ITPR2: variants seen among roughly 807,000 people sequenced by gnomAD.
ITPR2 encodes inositol 1,4,5-trisphosphate receptor type 2, also known as inositol 1,4,5-trisphosphate-gated calcium channel ITPR2.
A neutral mutation model predicts 317.1 loss-of-function variants in ITPR2; 207 were observed. The observed-to-expected ratio is 0.65, with a 90% CI of 0.58 to 0.73. The LOEUF is 0.73. Among genes scored for constraint, ITPR2 ranks in the 30% least tolerant of loss-of-function variants. ITPR2 has a pLI of 0.00. For missense variants in ITPR2, 2,613 were observed against 3,284.0 expected, an observed-to-expected ratio of 0.80 and a Z score of 4.99; for synonymous variants, 1,156 against 1,149.1, an observed-to-expected ratio of 1.01 and a Z score of -0.12.
At chr12:26,369,581 C>T (rs940556868) in intron 55 of ITPR2, among the ~76,000 whole-genome samples, 4 of 152,128 alleles carry the variant, frequency 2.6e-5, no homozygotes, top group African/African-American at 9.7e-5. Flanking sequence ...TAAAAAGCAA[C>T]AAATGAATGT....
intron 8 of ITPR2, among the ~76,000 whole-genome samples, chr12:26,714,191 T>C (rs1948697815): frequency 1.3e-5 from 2 of 152,256 alleles, no homozygotes; most frequent in Admixed American, 1.3e-4. Flanking sequence ...TACTTCCTCA[T>C]TTTCTGCATC....
chr12:26,342,514 C>T (rs1033567208), intron 55 of ITPR2, among the ~76,000 whole-genome samples: 4 of 15,726 alleles, frequency 2.5e-4, no homozygotes, highest in East Asian at 1.4e-3. Context: ...GGGGGGGGGG[C>T]GGGGGTCAGA....
chr12:26,373,741 T>C (rs1052295281), intron 55 of ITPR2: 2 of 152,134 alleles, frequency 1.3e-5, no homozygotes, highest in African/African-American at 4.8e-5. Context: ...GACCAGAATA[T>C]TATTTCTAAA....
At position 26,681,882 on chromosome 12, in the gene ITPR2, A is replaced by C; in HGVS notation, c.1401T>G (p.Asn467Lys). Residue 467 changes from asparagine (N) to lysine (K), a missense_variant, in exon 13 of 57, where the codon AAT (asparagine) becomes AAG (lysine). By Grantham distance (94) the Asn-to-Lys change is moderately conservative. Coordinates refer to ENST00000381340, the MANE Select transcript of ITPR2 (RefSeq NM_002223.4). ...KKLENGTITQ[N>K]ERRFVTKLLE... ...CCAATTTAAAGAGTTACCTCCTTTC[A>C]TTCTGAGTTATTGTGCCGTTTTCTA... 2 of 1,598,534 alleles carry C rather than the reference A, an allele frequency of 1.3e-6. No homozygotes were observed. Among genetic ancestry groups the C allele is most frequent in the Non-Finnish European group, 1.7e-6 (2 of 1,169,702 alleles).
At chr12:26,651,441 T>C (rs958014407) in intron 21 of ITPR2, among the ~76,000 whole-genome samples, 1 of 152,268 alleles carries the variant, frequency 6.6e-6, no homozygotes, top group Admixed American at 6.5e-5. Flanking sequence ...CATTTTATTC[T>C]ATTTCTTTCC....
At chr12:26,541,256 G>A (rs994681536) in intron 37 of ITPR2, among the ~76,000 whole-genome samples, 1 of 152,056 alleles carries the variant, frequency 6.6e-6, no homozygotes, top group African/African-American at 2.4e-5. Context: ...GGCAGAGGTT[G>A]CAGTGAGCTG....
chr12:26,443,058 G>T (rs1320403149), intron 46 of ITPR2, among the ~76,000 whole-genome samples: 7 of 152,056 alleles, frequency 4.6e-5, no homozygotes, highest in African/African-American at 1.4e-4. Flanking sequence ...GTGGTGGAGG[G>T]GTCAAGTGCT....
chr12:26,465,222 C>G (rs544575070), intron 45 of ITPR2, among the ~76,000 whole-genome samples: 1 of 152,200 alleles, frequency 6.6e-6, no homozygotes, highest in East Asian at 1.9e-4. Flanking sequence ...TTGCGCTGGG[C>G]AAAAACTAAG....
intron 54 of ITPR2, among the ~76,000 whole-genome samples, chr12:26,398,305 C>T (rs1353703054): frequency 6.6e-6 from 1 of 152,100 alleles, no homozygotes; most frequent in Non-Finnish European, 1.5e-5. Flanking sequence ...TGCCTGCAGT[C>T]CCAGCTACTA....
At chr12:26,612,952 T>C (rs1946303493) in intron 26 of ITPR2, among the ~76,000 whole-genome samples, 2 of 152,248 alleles carry the variant, frequency 1.3e-5, no homozygotes, top group South Asian at 4.1e-4. Context: ...TGAGGCCTTC[T>C]TTCAGTCATC....
intron 21 of ITPR2, among the ~76,000 whole-genome samples, chr12:26,635,177 C>T (rs769234877): frequency 1.3e-5 from 2 of 152,178 alleles, no homozygotes; most frequent in Admixed American, 6.5e-5. Context: ...TACAGCTGTG[C>T]TGACCATAAT....
chr12:26,575,247 G>A (rs1297351288), intron 34 of ITPR2, among the ~76,000 whole-genome samples: 1 of 149,748 alleles, frequency 6.7e-6, no homozygotes, highest in Non-Finnish European at 1.5e-5. Context: ...TGTTGCTGAA[G>A]GTTGGGGATG....
intron 2 of ITPR2, among the ~76,000 whole-genome samples, chr12:26,759,141 C>T (rs956819538): frequency 2.6e-5 from 4 of 152,148 alleles, no homozygotes; most frequent in African/African-American, 4.8e-5. Context: ...AAATTCTCAC[C>T]GTTTCAAAAA....
chr12:26,486,277 C>A lies in ITPR2; in HGVS notation c.5638G>T (p.Val1880Leu). 3 of 1,613,992 alleles carry A rather than the reference C, an allele frequency of 1.9e-6. No homozygotes were observed. The highest frequency in any genetic ancestry group is 8.5e-7 in the Non-Finnish European group (1 of 1,179,908). ...ASSATSKAYC[V>L]YRREMDPEID... ...TCTGGATCCATTTCTCTTCTGTATA[C>A]ACAATATGCTTTGGATGTTGCTGAA... Residue 1880 changes from valine (V) to leucine (L), a missense_variant, in exon 41 of 57, where the codon GTA becomes TTA. Coordinates refer to ENST00000381340, the MANE Select transcript of ITPR2 (RefSeq NM_002223.4).
intron 54 of ITPR2, among the ~76,000 whole-genome samples, chr12:26,391,461 A>G (rs2136635576): frequency 6.6e-6 from 1 of 151,954 alleles, no homozygotes; most frequent in Middle Eastern, 3.4e-3. Context: ...TGCAGATGAA[A>G]TGGTACATCT....
chr12:26,622,908 G>A (rs1028159763), intron 24 of ITPR2, among the ~76,000 whole-genome samples: 33 of 152,262 alleles, frequency 2.2e-4, no homozygotes, highest in African/African-American at 7.2e-4. Context: ...GGAACAAAAG[G>A]TCCATCTGTT....
intron 55 of ITPR2, among the ~76,000 whole-genome samples, chr12:26,352,029 T>C (rs143780215): frequency 7.4e-4 from 113 of 152,258 alleles, no homozygotes; most frequent in African/African-American, 2.6e-3. Context: ...ATTCGTCCAA[T>C]GTGTGGCTGC....
intron 2 of ITPR2, among the ~76,000 whole-genome samples, chr12:26,744,056 G>T (rs940430757): frequency 7.2e-5 from 11 of 152,198 alleles, no homozygotes; most frequent in Admixed American, 6.5e-4. Flanking sequence ...ACAAGTCTCT[G>T]CTTCTGCCCA....
intron 39 of ITPR2, among the ~76,000 whole-genome samples, chr12:26,489,497 T>TA (rs1485590941): frequency 2.0e-5 from 3 of 152,236 alleles, no homozygotes; most frequent in African/African-American, 7.2e-5. Flanking sequence ...TATCTCTAAC[T>TA]AGCGATGTAA....
Sources: gnomAD v4.1 joint callset for allele counts (sites outside exome capture counted in the v4.1 genomes callset) on GRCh38, gnomAD v4.1.1 for gene constraint, MANE v1.5 for transcripts, NCBI Gene and HGNC (gene_info 2026-07-23, HGNC 2026-07-21) for gene names.